SLC60A1: variants seen among roughly 807,000 people sequenced by gnomAD.
SLC60A1 encodes the protein solute carrier family 60 member 1, also known as major facilitator superfamily domain containing 4.
chr1:205,586,574 G>A, the SLC60A1 span, among the ~76,000 whole-genome samples: 1 of 152,208 alleles, frequency 6.6e-6, no homozygotes. Context: ...TTACCTTGGT[G>A]CCCAGCTGCT....
chr1:205,600,552 C>T, the SLC60A1 span: 31 of 1,282,592 alleles, frequency 2.4e-5, no homozygotes, highest in African/African-American at 2.8e-4. Flanking sequence ...GGTGGAGGCG[C>T]TCTCTCAATG....
the SLC60A1 span, chr1:205,598,385 CTATAATGTAGATAT>C: frequency 6.5e-6 from 1 of 153,632 alleles, no homozygotes; most frequent in East Asian, 1.9e-4. Flanking sequence ...TTATTGAATA[CTATAATGTAGATAT>C]TATTCCCCTT....
chr1:205,572,477 T>TC, the SLC60A1 span, among the ~76,000 whole-genome samples: 1 of 151,974 alleles, frequency 6.6e-6, no homozygotes, highest in Non-Finnish European at 1.5e-5. Flanking sequence ...GTTCCTTTTT[T>TC]CCCCCTCAAA....
At chr1:205,581,135 G>C in the SLC60A1 span, among the ~76,000 whole-genome samples, 2 of 152,232 alleles carry the variant, frequency 1.3e-5, no homozygotes, top group African/African-American at 4.8e-5. The surrounding 1 kb of genome is among the most constrained non-coding windows in gnomAD (Gnocchi z 4.2). Context: ...AGTTCTCAAG[G>C]AGGGTAAAAC....
the SLC60A1 span, among the ~76,000 whole-genome samples, chr1:205,591,502 AG>A: frequency 2.2e-3 from 309 of 137,726 alleles, 8 homozygotes; most frequent in East Asian, 4.2e-3. Context: ...AAAAAAAAAA[AG>A]GAAAGAAAAG....
chr1:205,602,466 T>C, the SLC60A1 span: 20 of 152,658 alleles, frequency 1.3e-4, no homozygotes, highest in African/African-American at 4.6e-4. Flanking sequence ...AAAGGAATTC[T>C]GAAAAAAGTA....
At chr1:205,588,493 A>G in the SLC60A1 span, among the ~76,000 whole-genome samples, 115,614 of 135,628 alleles carry the variant, frequency 0.85, 49,699 homozygotes, top group East Asian at 0.97. Flanking sequence ...AAAAAAAAGA[A>G]AGAGAAAATA....
chr1:205,585,334 A>G, the SLC60A1 span, among the ~76,000 whole-genome samples: 1 of 152,178 alleles, frequency 6.6e-6, no homozygotes, highest in Non-Finnish European at 1.5e-5. The surrounding 1 kb of genome is among the most constrained non-coding windows in gnomAD (Gnocchi z 4.2). Context: ...CATGCTATAT[A>G]AACAGGGTAC....
chr1:205,570,976 A>G, the SLC60A1 span, among the ~76,000 whole-genome samples: 1 of 152,194 alleles, frequency 6.6e-6, no homozygotes, highest in African/African-American at 2.4e-5. Context: ...CTTCCTGGGT[A>G]GTTTTGTATC....
the SLC60A1 span, chr1:205,600,467 G>T: frequency 6.2e-7 from 1 of 1,613,922 alleles, no homozygotes; most frequent in Admixed American, 1.7e-5. Flanking sequence ...GGTAAAACTG[G>T]GTGAAGAAGG....
At chr1:205,573,940 G>A in the SLC60A1 span, among the ~76,000 whole-genome samples, 1 of 151,800 alleles carries the variant, frequency 6.6e-6, no homozygotes, top group Non-Finnish European at 1.5e-5. Flanking sequence ...CAAGCAGTCC[G>A]CCTACCTTGG....
chr1:205,575,410 G>A, the SLC60A1 span, among the ~76,000 whole-genome samples: 1 of 152,138 alleles, frequency 6.6e-6, no homozygotes. Context: ...GTGGCATGGG[G>A]GCTGGGCTTC....
the SLC60A1 span, chr1:205,602,554 ACCT>A: frequency 2.0e-5 from 3 of 152,572 alleles, no homozygotes; most frequent in South Asian, 6.2e-4. Context: ...AATTTTTAAA[ACCT>A]CCTCATAAGC....
the SLC60A1 span, chr1:205,602,567 C>T: frequency 1.3e-5 from 2 of 152,608 alleles, no homozygotes; most frequent in South Asian, 4.1e-4. Context: ...TCCTCATAAG[C>T]GGCTTAGAAA....
the SLC60A1 span, among the ~76,000 whole-genome samples, chr1:205,570,838 T>G: frequency 6.6e-6 from 1 of 152,336 alleles, no homozygotes; most frequent in South Asian, 2.1e-4. Context: ...CTCCTTTACC[T>G]GGAACTTTTA....
chr1:205,578,757 C>T, the SLC60A1 span, among the ~76,000 whole-genome samples: 1 of 152,118 alleles, frequency 6.6e-6, no homozygotes, highest in South Asian at 2.1e-4. Context: ...CCCACCTTTC[C>T]AGGTCCAGCA....
the SLC60A1 span, chr1:205,601,981 T>C: frequency 2.6e-5 from 4 of 152,226 alleles, no homozygotes; most frequent in African/African-American, 9.6e-5. Flanking sequence ...ATTCAAGCTG[T>C]GCAGTAGTAG....
chr1:205,599,085 C>G, the SLC60A1 span: 1 of 1,609,946 alleles, frequency 6.2e-7, no homozygotes, highest in Non-Finnish European at 8.5e-7. Flanking sequence ...ACACCTTCCA[C>G]GTGAAGTTTT....
At chr1:205,581,455 G>A in the SLC60A1 span, among the ~76,000 whole-genome samples, 1 of 152,238 alleles carries the variant, frequency 6.6e-6, no homozygotes, top group South Asian at 2.1e-4. This position sits in a 1 kb window ranked among gnomAD's most constrained non-coding sequence, Gnocchi z 4.2. Context: ...GGCCCGCTTT[G>A]TACACCCCTG....
Sources: gnomAD v4.1 joint callset for allele counts (sites outside exome capture counted in the v4.1 genomes callset) on GRCh38, gnomAD v4.1.1 for gene constraint, Gnocchi (gnomAD v3.1) non-coding constraint, MANE v1.5 for transcripts, NCBI Gene and HGNC (gene_info 2026-07-23, HGNC 2026-07-21) for gene names.